ADGRG4: variants seen among roughly 807,000 people sequenced by gnomAD.
ADGRG4 encodes the protein G protein-coupled receptor 112.
Under a neutral mutation model 126.2 loss-of-function variants are expected in ADGRG4, and 122 were observed. That is an observed-to-expected ratio of 0.97 (90% confidence interval 0.83 to 1.12). The LOEUF is 1.12. Ranked by LOEUF, ADGRG4 falls within the 50% of genes most tolerant of loss-of-function variation. ADGRG4 has a pLI of 0.00. For missense variants in ADGRG4, 2,481 were observed against 2,251.8 expected (o/e 1.10, Z -2.06); for synonymous variants, 943 against 838.7 (o/e 1.12, Z -2.15).
intron 15 of ADGRG4, among the ~76,000 whole-genome samples, chrX:136,382,266 A>G (rs1298834631): frequency 8.9e-6 from 1 of 112,284 alleles, no homozygotes; most frequent in Non-Finnish European, 1.9e-5. Context: ...ACTATTACAT[A>G]AAATTAACAA....
intron 13 of ADGRG4, 149 bp downstream of exon 13, chrX:136,363,744 G>A: frequency 2.2e-6 from 1 of 452,352 alleles, no homozygotes; most frequent in South Asian, 3.3e-5. Context: ...ATTAATGTTG[G>A]TGGAGGTGGT....
chrX:136,374,338 T>C (rs774732888), intron 15 of ADGRG4, among the ~76,000 whole-genome samples: 15 of 111,839 alleles, frequency 1.3e-4, no homozygotes, highest in African/African-American at 4.5e-4. Flanking sequence ...CCTTTGTGTA[T>C]AAGTCTTTAT....
chrX:136,344,716 C>A lies in ADGRG4; in HGVS notation c.1010C>A (p.Thr337Asn). 2 of 1,207,185 alleles carry A rather than the reference C, an allele frequency of 1.7e-6. No homozygotes were observed. The highest frequency in any genetic ancestry group is 2.2e-5 in the Admixed American group (1 of 45,853). Reference protein sequence around the residue: ...PTQSISIDNTTNSMKKTKSPS... With the variant: ...PTQSISIDNTNNSMKKTKSPS... The stretch of plus-strand genomic sequence containing the variant: ...CAGAGTATATCCATAGACAATACTA[C>A]CAATTCCATGAAAAAAACGAAATCT... The change falls in exon 6 of 26, where the codon ACC (threonine) becomes AAC (asparagine). Residue 337 changes from threonine (T) to asparagine (N), a missense_variant. Thr to Asn is a moderately conservative substitution (Grantham distance 65, BLOSUM62 0). Transcript: ENST00000394143.
intron 24 of ADGRG4, among the ~76,000 whole-genome samples, chrX:136,413,701 A>G (rs1234216346): frequency 1.6e-4 from 18 of 109,892 alleles, no homozygotes; most frequent in African/African-American, 5.6e-4. Flanking sequence ...CCCGGAATGA[A>G]CACTGTGCAT....
In ADGRG4 at chrX:136,350,376, A is replaced by T; in HGVS notation, c.6670A>T (p.Thr2224Ser). ...SFFETTWLDS[T>S]PSFLSTEAST... ...TTTTGAAACAACTTGGCTGGACTCC[A>T]CACCTTCCTTTCTATCTACGGAAGC... Residue 2224 changes from threonine (T) to serine (S), a missense_variant, in exon 6 of 26, where the codon ACA becomes TCA. Physicochemically the swap from Thr to Ser is moderately conservative, Grantham distance 58. Transcript: ENST00000394143. The T allele has an allele frequency of 1.7e-6, 2 of 1,210,464 alleles. No homozygotes were observed. Among genetic ancestry groups the T allele is most frequent in the South Asian group, 3.5e-5 (2 of 56,850 alleles).
Position 136,350,378 on chromosome X carries a change from A to G in ADGRG4, c.6672A>G (p.Thr2224=), listed in dbSNP as rs1357390719. ...SFFETTWLDS[T]PSFLSTEAST... ...TTGAAACAACTTGGCTGGACTCCAC[A>G]CCTTCCTTTCTATCTACGGAAGCAT... Residue 2224 remains threonine (T), a synonymous_variant, in exon 6 of 26, where the codon ACA becomes ACG. Transcript: ENST00000394143. 2.5e-6 allele frequency: 3 copies of G among 1,209,966 alleles called. No homozygotes were observed. Among genetic ancestry groups the G allele is most frequent in the African/African-American group, 1.7e-5 (1 of 57,529 alleles).
intron 13 of ADGRG4, 114 bp downstream of exon 13, chrX:136,363,709 A>G (rs2075141862): frequency 2.0e-6 from 1 of 510,510 alleles, no homozygotes; most frequent in African/African-American, 2.3e-5. Context: ...CTACCTTACG[A>G]CAATCCAATT....
chrX:136,366,579 A>G (rs2075159867), intron 13 of ADGRG4, among the ~76,000 whole-genome samples: 1 of 112,286 alleles, frequency 8.9e-6, no homozygotes, highest in South Asian at 3.7e-4. Flanking sequence ...GGATTGTGTG[A>G]TAAGAGTATG....
intron 13 of ADGRG4, among the ~76,000 whole-genome samples, chrX:136,364,720 A>G (rs1048279431): frequency 9.8e-5 from 11 of 112,217 alleles, no homozygotes; most frequent in Non-Finnish European, 1.7e-4. Context: ...AGAAGGTTGC[A>G]TTTCTTTCAA....
chrX:136,368,692 G>A (rs2075174247), intron 13 of ADGRG4, among the ~76,000 whole-genome samples: 1 of 112,080 alleles, frequency 8.9e-6, no homozygotes, highest in Non-Finnish European at 1.9e-5. Context: ...TATAAACTTG[G>A]TAAAAGATGC....
At chrX:136,373,121 A>G in intron 15 of ADGRG4, 57 bp downstream of exon 15, 2 of 1,037,407 alleles carry the variant, frequency 1.9e-6, no homozygotes, top group Non-Finnish European at 2.6e-6. Flanking sequence ...TCAGGTCTTC[A>G]TTCATTTACT....
intron 4 of ADGRG4, among the ~76,000 whole-genome samples, chrX:136,321,042 G>A (rs1395439485): frequency 8.9e-6 from 1 of 111,859 alleles, no homozygotes; most frequent in East Asian, 2.8e-4. Context: ...TATGCTCACC[G>A]TAAAACCAGT....
rs781501352 is a variant in ADGRG4 at position 136,392,302 on chromosome X, A to G, written c.7982A>G (p.Gln2661Arg). The change falls in exon 17 of 26, where the codon CAA (glutamine) becomes CGA (arginine). Residue 2661 changes from glutamine to arginine, a missense_variant. Transcript: ENST00000394143. ...SASISDDMFI[Q>R]NLADPVVITL... ...AGCATTTCAGATGATATGTTCATTC[A>G]AAACTTAGCTGACCCAGTGGTTATC... 2.5e-6 allele frequency: 3 copies of G among 1,184,586 alleles called. No individual in the cohort carries two copies. The highest frequency in any genetic ancestry group is 1.9e-5 in the South Asian group (1 of 52,277).
intron 15 of ADGRG4, among the ~76,000 whole-genome samples, chrX:136,374,420 T>C (rs935774831): frequency 9.0e-6 from 1 of 110,881 alleles, no homozygotes; most frequent in African/African-American, 3.3e-5. Context: ...TACATGTTTA[T>C]TATTTATTTA....
chrX:136,356,237 T>C, intron 9 of ADGRG4, 72 bp downstream of exon 9: 2 of 654,017 alleles, frequency 3.1e-6, no homozygotes, highest in South Asian at 7.8e-5. Flanking sequence ...CAATAGCTCT[T>C]CCACCCAAGT....
At chrX:136,316,364 C>T (rs965823823) in intron 4 of ADGRG4, among the ~76,000 whole-genome samples, 1 of 109,565 alleles carries the variant, frequency 9.1e-6, no homozygotes. Flanking sequence ...TTAATGCTGT[C>T]ATAAGCAGAA....
chrX:136,339,133 T>TG (rs759484671), intron 5 of ADGRG4, among the ~76,000 whole-genome samples: 1 of 111,219 alleles, frequency 9.0e-6, no homozygotes, highest in Non-Finnish European at 1.9e-5. Flanking sequence ...AGGAAAATCT[T>TG]GGGCTAGTTT....
intron 15 of ADGRG4, among the ~76,000 whole-genome samples, chrX:136,383,362 A>G (rs1296581324): frequency 9.0e-6 from 1 of 111,592 alleles, no homozygotes; most frequent in Non-Finnish European, 1.9e-5. Flanking sequence ...TGTCTTTCTA[A>G]TACTAATCCT....
At chrX:136,402,791 C>G (rs909806434) in intron 21 of ADGRG4, among the ~76,000 whole-genome samples, 1 of 111,492 alleles carries the variant, frequency 9.0e-6, no homozygotes, top group Non-Finnish European at 1.9e-5. Flanking sequence ...AACAGTTTCC[C>G]TGTCAAAAAA....
Sources: gnomAD v4.1 joint callset for allele counts (sites outside exome capture counted in the v4.1 genomes callset) on GRCh38, gnomAD v4.1.1 for gene constraint, MANE v1.5 for transcripts, NCBI Gene and HGNC (gene_info 2026-07-23, HGNC 2026-07-21) for gene names.